Variants in ZNF415 observed in about 807,000 individuals in gnomAD.
ZNF415 encodes the protein zinc finger protein 415.
A neutral mutation model predicts 7.3 loss-of-function variants in ZNF415; 5 were observed. That is an observed-to-expected ratio of 0.69 (90% CI 0.36 to 1.44). ZNF415 has a LOEUF of 1.44. Ranked by LOEUF, ZNF415 falls within the 40% of genes most tolerant of loss-of-function variation. ZNF415 has a pLI of 0.04. For missense variants in ZNF415, 628 were observed against 664.8 expected (o/e 0.94, Z 0.61); for synonymous variants, 207 against 226.3 (o/e 0.91, Z 0.77).
At chr19:53,116,157 G>A (rs2086981100) in intron 3 of ZNF415, 156 bp downstream of exon 3, 2 of 893,700 alleles carry the variant, frequency 2.2e-6, no homozygotes, top group Non-Finnish European at 3.4e-6. Context: ...AAAGGGGATG[G>A]TTAAACTCCA....
At chr19:53,116,214 A>G (rs1371769786) in intron 3 of ZNF415, 99 bp downstream of exon 3, 1 of 1,396,752 alleles carries the variant, frequency 7.2e-7, no homozygotes, top group Non-Finnish European at 9.8e-7. Flanking sequence ...CAAGGCCTCA[A>G]ACTCAGTCAG....
At chr19:53,126,544 G>C (rs551740567) in intron 1 of ZNF415, among the ~76,000 whole-genome samples, 5 of 136,812 alleles carry the variant, frequency 3.7e-5, no homozygotes, top group African/African-American at 1.3e-4. Context: ...CAGAGCAGCA[G>C]AAAGGCAGGC....
At chr19:53,109,980 G>A in intron 3 of ZNF415, 72 bp from the exon 4 acceptor site, 1 of 1,253,622 alleles carries the variant, frequency 8.0e-7, no homozygotes, top group Non-Finnish European at 1.1e-6. Flanking sequence ...CTGAATAACA[G>A]AATTACACAA....
At position 53,108,416 on chromosome 19, in the gene ZNF415, T is replaced by C; in HGVS notation, c.1629A>G (p.Gln543=). Residue 543 remains glutamine, a synonymous_variant, in exon 4 of 4, where the codon CAA becomes CAG. Coordinates refer to ENST00000243643, the MANE Select transcript of ZNF415 (RefSeq NM_018355.4). ...AAGGTTTCTCCTTAGTATGGATAAT[T>C]TGATGTCTGAAGAGGTTTGGGCGCA... ...FSVRPNLFRH[Q]IIHTKEKPYK... 1 of 1,613,976 alleles carries C rather than the reference T, an allele frequency of 6.2e-7. No homozygotes were observed. The highest frequency in any genetic ancestry group is 8.5e-7 in the Non-Finnish European group (1 of 1,179,950).
chr19:53,129,767 A>G, intron 1 of ZNF415: 1 of 394,974 alleles, frequency 2.5e-6, no homozygotes, highest in Non-Finnish European at 4.5e-6. Flanking sequence ...CATCTCCCTT[A>G]GAAAATTCCA....
intron 1 of ZNF415, among the ~76,000 whole-genome samples, chr19:53,128,483 T>C (rs1444246379): frequency 1.5e-5 from 2 of 135,966 alleles, no homozygotes; most frequent in Admixed American, 7.8e-5. Flanking sequence ...TCATGGCCCG[T>C]TTAGCTTCTG....
intron 2 of ZNF415, among the ~76,000 whole-genome samples, chr19:53,117,360 G>C (rs1005003354): frequency 6.6e-6 from 1 of 151,734 alleles, no homozygotes; most frequent in Non-Finnish European, 1.5e-5. Flanking sequence ...AGAATTGCTT[G>C]AATCTGGGAG....
At chr19:53,126,883 C>T (rs1302005720) in intron 1 of ZNF415, among the ~76,000 whole-genome samples, 9 of 103,736 alleles carry the variant, frequency 8.7e-5, no homozygotes, top group Admixed American at 3.4e-4. Context: ...CCCAGGGCCC[C>T]GTGGCCCCTC....
chr19:53,111,723 G>A (rs2086274113), intron 3 of ZNF415, among the ~76,000 whole-genome samples: 1 of 152,072 alleles, frequency 6.6e-6, no homozygotes, highest in Non-Finnish European at 1.5e-5. Context: ...ACAGAAGGCT[G>A]ATCAATCTTA....
Position 53,108,980 on chromosome 19 carries a change from A to C in ZNF415, c.1065T>G (p.Pro355=). Residue 355 remains proline, a synonymous_variant, in exon 4 of 4, where the codon CCT becomes CCG. Transcript: ENST00000243643. ...CCTTGCCACATTCATTGCATTTGTA[A>C]GGTTTCTTGCCACTATGAATTACCT... ...NHQVIHSGKK[P]YKCNECGKVF... The C allele has an allele frequency of 1.2e-6, 2 of 1,614,026 alleles. No homozygotes were observed. Among genetic ancestry groups the C allele is most frequent in the Non-Finnish European group, 1.7e-6 (2 of 1,180,010 alleles).
At position 53,125,419 on chromosome 19, in the gene ZNF415, C is replaced by T. The variant is rs555143083; in HGVS notation, c.-67-2676G>A. On this transcript the variant is annotated intron_variant, in intron 1 of 3. Transcript: ENST00000243643. ...ATGTGATGCTGGCTCAGTGCAGCCT[C>T]GGCTTCCTGTGCTGAAGCAATCCTC... is the stretch of plus-strand genomic sequence containing the variant. Among the ~76,000 whole-genome samples, 191 of 151,700 alleles carry T rather than the reference C, an allele frequency of 1.3e-3. 1 individual carries two copies. The highest frequency in any genetic ancestry group is 4.5e-3 in the African/African-American group (185 of 41,270).
At chr19:53,122,637 T>C (rs1449311462) in intron 2 of ZNF415, 25 bp downstream of exon 2, 1 of 1,613,656 alleles carries the variant, frequency 6.2e-7, no homozygotes, top group Non-Finnish European at 8.5e-7. Context: ...GGAGACAGAA[T>C]GATCCACACA....
intron 1 of ZNF415, among the ~76,000 whole-genome samples, chr19:53,131,226 CT>C (rs2146731287): frequency 6.6e-6 from 1 of 152,076 alleles, no homozygotes; most frequent in South Asian, 2.1e-4. Context: ...CAGTCTTTCA[CT>C]TTCTGCCCAG....
chr19:53,111,257 T>C (rs1036527555), intron 3 of ZNF415, among the ~76,000 whole-genome samples: 1 of 151,780 alleles, frequency 6.6e-6, no homozygotes. Context: ...CTGATTCACC[T>C]GGCTCCTTAA....
intron 1 of ZNF415, 33 bp from the exon 2 acceptor site, chr19:53,122,776 T>G (rs772672189): frequency 6.6e-7 from 1 of 1,508,160 alleles, no homozygotes; most frequent in South Asian, 1.1e-5. Context: ...GTTTATTGCT[T>G]AGAAACAACA....
At chr19:53,116,234 G>C in intron 3 of ZNF415, 79 bp downstream of exon 3, 2 of 1,498,472 alleles carry the variant, frequency 1.3e-6, no homozygotes, top group Non-Finnish European at 1.8e-6. Flanking sequence ...GGTAATGCAG[G>C]GGCTCCCAAG....
intron 1 of ZNF415, 150 bp from the exon 2 acceptor site, chr19:53,122,893 A>G: frequency 3.4e-6 from 2 of 594,042 alleles, no homozygotes; most frequent in Non-Finnish European, 5.9e-6. Context: ...GGGACAAGAA[A>G]CTCCTACAGG....
intron 1 of ZNF415, among the ~76,000 whole-genome samples, chr19:53,127,603 G>A (rs1217766291): frequency 1.3e-5 from 2 of 152,174 alleles, no homozygotes; most frequent in African/African-American, 2.4e-5. Flanking sequence ...GATCGGCCGG[G>A]CGTGGTGGCT....
At chr19:53,114,875 C>T (rs1033134054) in intron 3 of ZNF415, among the ~76,000 whole-genome samples, 45 of 152,152 alleles carry the variant, frequency 3.0e-4, no homozygotes, top group Non-Finnish European at 4.9e-4. Context: ...TGCAGCTCCC[C>T]GGGGCCTCAG....
Sources: allele counts gnomAD v4.1 joint callset (sites outside exome capture counted in the v4.1 genomes callset), GRCh38; gene constraint gnomAD v4.1.1; transcripts MANE v1.5; gene names NCBI Gene and HGNC (gene_info 2026-07-23, HGNC 2026-07-21).